The following CHFR variants were observed in gnomAD, a reference collection of about 807,000 sequenced individuals.
The protein encoded by CHFR is E3 ubiquitin-protein ligase CHFR.
Under a neutral mutation model 87.6 loss-of-function variants are expected in CHFR, and 57 were observed. That is an observed-to-expected ratio of 0.65 (90% CI 0.53 to 0.81). The LOEUF is 0.81. Among genes scored for constraint, CHFR ranks in the 30% least tolerant of loss-of-function variants. The pLI is 0.00. For synonymous variants in CHFR, 381 were observed against 359.2 expected, an observed-to-expected ratio of 1.06 and a Z score of -0.69; for missense variants, 797 against 865.8, an observed-to-expected ratio of 0.92 and a Z score of 1.00.
intron 4 of CHFR, chr12:132,872,047 G>A: frequency 2.2e-6 from 1 of 457,524 alleles, no homozygotes; most frequent in Non-Finnish European, 3.9e-6. Context: ...TGCCATTTTG[G>A]GATTGGCTGC....
chr12:132,864,188 C>CA (rs924137824), intron 6 of CHFR, among the ~76,000 whole-genome samples: 4 of 148,728 alleles, frequency 2.7e-5, no homozygotes, highest in Non-Finnish European at 6.0e-5. Context: ...AAAAAAAAAA[C>CA]ACAAGAAACT....
intron 11 of CHFR, among the ~76,000 whole-genome samples, chr12:132,852,588 G>A (rs926381423): frequency 2.0e-5 from 3 of 152,228 alleles, no homozygotes; most frequent in Admixed American, 6.5e-5. Flanking sequence ...CCCACTGAGG[G>A]ACCCAGGACC....
In CHFR at chr12:132,860,875, T is replaced by A. The variant is rs561570419; in HGVS notation, c.751+592A>T. Among the ~76,000 whole-genome samples, 77 of 152,204 alleles carry A rather than the reference T, an allele frequency of 5.1e-4. 1 individual carries two copies. The South Asian group carries it at 9.5e-3, about 19-fold the overall frequency. On this transcript the variant is annotated intron_variant, in intron 7 of 17. Transcript: ENST00000450056. ...TCAAGCAATTCTCCTGCCTCAGCCT[T>A]CCAAGTAGCTGGGATTACAGGCATG...
At chr12:132,848,188 A>G in intron 13 of CHFR, 33 bp from the exon 14 acceptor site, 1 of 1,614,112 alleles carries the variant, frequency 6.2e-7, no homozygotes. Flanking sequence ...TTACCTGTTT[A>G]TAATGATGTC....
At chr12:132,842,108 CAAAA>C (rs35177584) in intron 17 of CHFR, among the ~76,000 whole-genome samples, 6 of 103,332 alleles carry the variant, frequency 5.8e-5, no homozygotes, top group Non-Finnish European at 7.9e-5. Flanking sequence ...GACTCCATCT[CAAAA>C]AAAAAAAAAA....
intron 13 of CHFR, 64 bp from the exon 14 acceptor site, chr12:132,848,219 C>T (rs772849776): frequency 5.0e-6 from 8 of 1,611,402 alleles, no homozygotes; most frequent in East Asian, 4.5e-5. Flanking sequence ...ACTGTCTGCC[C>T]GACACTGAGG....
intron 2 of CHFR, among the ~76,000 whole-genome samples, chr12:132,879,023 G>A (rs1289359229): frequency 1.6e-5 from 1 of 61,938 alleles, no homozygotes; most frequent in African/African-American, 6.5e-5. Context: ...TTTTTTTTTT[G>A]AGATGGAGTC....
At chr12:132,852,496 C>T (rs987246239) in intron 11 of CHFR, among the ~76,000 whole-genome samples, 4 of 150,992 alleles carry the variant, frequency 2.6e-5, no homozygotes, top group African/African-American at 4.8e-5. Flanking sequence ...CCTGGACACT[C>T]GCCACCCACA....
intron 10 of CHFR, among the ~76,000 whole-genome samples, chr12:132,855,244 A>G (rs1367032922): frequency 3.4e-4 from 11 of 32,100 alleles, no homozygotes; most frequent in East Asian, 4.5e-4. Flanking sequence ...TTTGTCTCGA[A>G]AAAAAAAAAA....
chr12:132,848,744 G>T lies in CHFR; in HGVS notation c.1493-20C>A. Reference sequence around the variant, plus strand: ...CCGCACCTGTGGAGAGAGGACACTCGTTACACGCACTCAGCGCTGAGGGCT... The same window carrying T: ...CCGCACCTGTGGAGAGAGGACACTCTTTACACGCACTCAGCGCTGAGGGCT... On this transcript the variant is annotated intron_variant, in intron 12 of 17. Coordinates refer to ENST00000450056, the MANE Select transcript of CHFR (RefSeq NM_001161346.2). 6.4e-7 allele frequency: 1 copy of T among 1,553,966 alleles called. No individual in the cohort carries two copies. The highest frequency in any genetic ancestry group is 8.7e-7 in the Non-Finnish European group (1 of 1,143,762).
chr12:132,851,218 T>C (rs796789788), intron 12 of CHFR, among the ~76,000 whole-genome samples: 29 of 152,202 alleles, frequency 1.9e-4, no homozygotes, highest in African/African-American at 6.7e-4. Flanking sequence ...CTGAAACTCC[T>C]GGACACAGAA....
In CHFR at chr12:132,861,583, C is replaced by T; in HGVS notation, c.635G>A (p.Ser212Asn). 2 of 1,614,238 alleles carry T rather than the reference C, an allele frequency of 1.2e-6. No individual in the cohort carries two copies. Among genetic ancestry groups the T allele is most frequent in the Non-Finnish European group, 1.7e-6 (2 of 1,180,044 alleles). ...SPKGSGPSVA[S>N]DEVSSFASAL... ...TGAGGCAAAGCTGGAGACTTCATCA[C>T]TTGCCACAGAGGGACCACTTCCTTT... Residue 212 changes from serine to asparagine, a missense_variant, in exon 7 of 18, where the codon AGT becomes AAT. By Grantham distance (46) the Ser-to-Asn change is conservative. Around this residue, in one of 2 missense-constraint regions of CHFR, gnomAD observed 597 missense variants for 601.2 expected, o/e 0.99. Transcript: ENST00000450056.
intron 3 of CHFR, among the ~76,000 whole-genome samples, chr12:132,874,297 G>A (rs893659901): frequency 1.2e-4 from 18 of 150,298 alleles, no homozygotes; most frequent in African/African-American, 3.7e-4. Context: ...CAGGCGGGAC[G>A]GCCCAGGACC....
chr12:132,848,488 T>C lies in CHFR; in HGVS notation c.1576+153A>G, dbSNP rs555370115. The C allele has an allele frequency of 3.8e-4, 267 of 701,890 alleles. 6 individuals are homozygous for C. The South Asian group carries it at 4.6e-3, about 12-fold the overall frequency. 43.5% of individuals were successfully genotyped at this position (701,890 alleles called of 1,614,324 possible). A position where few individuals can be genotyped will look rare whatever the true frequency, so the allele number is the denominator to read the frequency against. ...AGCTAACACGAATTTGACACACCTC[T>C]GCAGTCCAGCCAGGAATAGGTATCA... On this transcript the variant is annotated intron_variant, in intron 13 of 17. Coordinates refer to ENST00000450056, the MANE Select transcript of CHFR (RefSeq NM_001161346.2).
At chr12:132,854,211 T>C (rs1951012649) in intron 10 of CHFR, 1 of 152,150 alleles carries the variant, frequency 6.6e-6, no homozygotes, top group Non-Finnish European at 1.5e-5. Context: ...ATTTTTTTCA[T>C]AAGGAAAAAA....
chr12:132,844,957 T>C lies in CHFR; in HGVS notation c.1736-823A>G, dbSNP rs142337474. Among the ~76,000 whole-genome samples, 667 of 138,690 alleles carry C rather than the reference T, an allele frequency of 4.8e-3. 3 individuals carry two copies. The highest frequency in any genetic ancestry group is 0.015 in the African/African-American group (628 of 40,552). 91.0% of individuals were successfully genotyped at this position (138,690 alleles called of 152,430 possible). ...CCCACATGGATATAAAATTTAAATA[T>C]TAAAACTCCCAAAAAACAAGAAGAA... On this transcript the variant is annotated intron_variant, in intron 15 of 17. Coordinates refer to ENST00000450056, the MANE Select transcript of CHFR (RefSeq NM_001161346.2).
At chr12:132,882,638 A>G (rs567946206) in intron 2 of CHFR, among the ~76,000 whole-genome samples, 16 of 151,506 alleles carry the variant, frequency 1.1e-4, no homozygotes, top group African/African-American at 3.9e-4. Flanking sequence ...CAAGCCCCAA[A>G]ACCAGTGCAA....
At chr12:132,879,278 A>G (rs1951711327) in intron 2 of CHFR, among the ~76,000 whole-genome samples, 1 of 152,038 alleles carries the variant, frequency 6.6e-6, no homozygotes, top group Non-Finnish European at 1.5e-5. Flanking sequence ...TACAGGCTTG[A>G]GCCACCGCAC....
At chr12:132,869,422 T>C (rs1951433983) in intron 6 of CHFR, among the ~76,000 whole-genome samples, 197 bp downstream of exon 6, 1 of 152,066 alleles carries the variant, frequency 6.6e-6, no homozygotes, top group East Asian at 1.9e-4. Context: ...TACACAATGG[T>C]ACTAGAGTCC....
Sources: gnomAD v4.1 joint callset for allele counts (sites outside exome capture counted in the v4.1 genomes callset) on GRCh38, gnomAD v4.1.1 for gene constraint, gnomAD v4.1.1 regional missense constraint, MANE v1.5 for transcripts, NCBI Gene and HGNC (gene_info 2026-07-23, HGNC 2026-07-21) for gene names.